The following GPC6 variants were observed in gnomAD, a reference collection of about 807,000 sequenced individuals.
GPC6 encodes glypican-6.
Under a neutral mutation model 55.2 loss-of-function variants are expected in GPC6, and 14 were observed. The ratio of observed to expected loss-of-function variants is 0.25; its 90% CI spans 0.17 to 0.40. GPC6 has a LOEUF of 0.40. Among genes scored for constraint, GPC6 ranks in the 10% least tolerant of loss-of-function variants. GPC6 has a pLI of 1.00. For synonymous variants in GPC6, 278 were observed against 259.6 expected (o/e 1.07, Z -0.68); for missense variants, 641 against 708.5 (o/e 0.90, Z 1.08).
chr13:93,444,684 C>A (rs1877936617), intron 1 of GPC6, among the ~76,000 whole-genome samples: 1 of 152,152 alleles, frequency 6.6e-6, no homozygotes, highest in Non-Finnish European at 1.5e-5. Flanking sequence ...TACTTTAATT[C>A]TTTTAAAATG....
At chr13:93,923,179 A>G (rs1270730974) in intron 3 of GPC6, among the ~76,000 whole-genome samples, 2 of 152,210 alleles carry the variant, frequency 1.3e-5, no homozygotes, top group Non-Finnish European at 2.9e-5. Context: ...TTTTGCCTTT[A>G]TGCAAACACA....
rs187705400 is a variant in GPC6 at position 94,294,820 on chromosome 13, G to A, written c.1008+8341G>A. ...TTTGAGCTCCTGTATTAGCATGTCC[G>A]TTGTAAGGCAGTGAGCATATTATTC... On this transcript the variant is annotated intron_variant, in intron 5 of 8. Coordinates refer to ENST00000377047, the MANE Select transcript of GPC6 (RefSeq NM_005708.5). Among the ~76,000 whole-genome samples, 13 of 152,164 alleles carry A rather than the reference G, an allele frequency of 8.5e-5. 1 individual carries two copies. Among genetic ancestry groups the A allele is most frequent in the African/African-American group, 2.4e-4 (10 of 41,542 alleles).
intron 4 of GPC6, among the ~76,000 whole-genome samples, chr13:94,254,815 G>C (rs921304836): frequency 1.3e-5 from 2 of 152,036 alleles, no homozygotes; most frequent in Non-Finnish European, 2.9e-5. Flanking sequence ...TCCAAACTCT[G>C]CTCATCAGTG....
chr13:93,723,952 G>T (rs936255527), intron 2 of GPC6, among the ~76,000 whole-genome samples: 2 of 151,860 alleles, frequency 1.3e-5, no homozygotes, highest in Non-Finnish European at 2.9e-5. Flanking sequence ...ACAGACCCAG[G>T]TGTTTGAATG....
intron 2 of GPC6, among the ~76,000 whole-genome samples, chr13:93,602,052 T>C (rs1878038680): frequency 6.6e-6 from 1 of 152,228 alleles, no homozygotes; most frequent in Admixed American, 6.5e-5. Context: ...ATAATGGACA[T>C]TCTGTAGAAT....
chr13:94,139,248 T>C (rs2138877820), intron 4 of GPC6, among the ~76,000 whole-genome samples: 1 of 152,254 alleles, frequency 6.6e-6, no homozygotes, highest in South Asian at 2.1e-4. Context: ...GGGTGATAGG[T>C]ACCCTAAAAG....
intron 2 of GPC6, among the ~76,000 whole-genome samples, chr13:93,590,923 A>G: frequency 6.6e-6 from 1 of 152,134 alleles, no homozygotes; most frequent in East Asian, 1.9e-4. Context: ...CCAGCATGGC[A>G]CATGTATACA....
chr13:93,672,608 T>C (rs1026849339), intron 2 of GPC6, among the ~76,000 whole-genome samples: 2 of 151,774 alleles, frequency 1.3e-5, no homozygotes, highest in African/African-American at 4.8e-5. Context: ...TGAATTGGAC[T>C]TCTTTCAAAT....
intron 2 of GPC6, among the ~76,000 whole-genome samples, chr13:93,725,581 C>T (rs1003829150): frequency 6.6e-6 from 1 of 151,922 alleles, no homozygotes; most frequent in South Asian, 2.1e-4. Flanking sequence ...CCCCCATGCC[C>T]GGTAAAGATT....
At chr13:93,231,418 T>C (rs1039449289) in intron 1 of GPC6, among the ~76,000 whole-genome samples, 1 of 54,388 alleles carries the variant, frequency 1.8e-5, no homozygotes, top group African/African-American at 8.6e-5. Flanking sequence ...TATATATATA[T>C]ATATACGTAT....
rs150827947 is a variant in GPC6 at position 93,980,475 on chromosome 13, G to C, written c.712-47254G>C. On this transcript the variant is annotated intron_variant, in intron 3 of 8. Coordinates refer to ENST00000377047, the MANE Select transcript of GPC6 (RefSeq NM_005708.5). ...AGCCCAGAAAGAATCCAGCCAAGCA[G>C]TATTCTCTGCATTGGAAATAGGGCA... Among the ~76,000 whole-genome samples, 238 of 152,282 alleles carry C rather than the reference G, an allele frequency of 1.6e-3. 2 individuals are homozygous for C. Among genetic ancestry groups the C allele is most frequent in the South Asian group, 6.2e-4 (3 of 4,828 alleles).
intron 4 of GPC6, among the ~76,000 whole-genome samples, chr13:94,194,402 TG>T (rs1889497359): frequency 6.6e-6 from 1 of 152,228 alleles, no homozygotes; most frequent in African/African-American, 2.4e-5. Context: ...TGTGTATGTC[TG>T]TGTGTTTTTG....
intron 6 of GPC6, among the ~76,000 whole-genome samples, chr13:94,322,796 G>T (rs900269628): frequency 1.3e-5 from 2 of 151,906 alleles, no homozygotes; most frequent in Non-Finnish European, 2.9e-5. Flanking sequence ...CACACGGTGC[G>T]GTTCTGCTGT....
intron 2 of GPC6, among the ~76,000 whole-genome samples, chr13:93,822,511 T>C (rs930819107): frequency 6.6e-6 from 1 of 152,178 alleles, no homozygotes; most frequent in Non-Finnish European, 1.5e-5. Context: ...GTTTGTTACA[T>C]AGGTATACAT....
intron 1 of GPC6, among the ~76,000 whole-genome samples, chr13:93,480,254 T>C (rs1879467154): frequency 6.6e-6 from 1 of 152,226 alleles, no homozygotes; most frequent in South Asian, 2.1e-4. Flanking sequence ...CTCAATGCAT[T>C]GTAGAAAATT....
intron 1 of GPC6, chr13:93,395,372 G>A (rs528922604): frequency 3.7e-5 from 14 of 379,920 alleles, no homozygotes; most frequent in East Asian, 6.0e-5. Context: ...ATGGTATTTC[G>A]GAATGACAAT....
chr13:93,857,491 T>C (rs1036864986), intron 3 of GPC6, among the ~76,000 whole-genome samples: 1 of 151,752 alleles, frequency 6.6e-6, no homozygotes, highest in East Asian at 2.0e-4. Context: ...AGTTTATTTT[T>C]ATTCCTTGAG....
intron 1 of GPC6, among the ~76,000 whole-genome samples, chr13:93,500,529 AAT>A (rs1049541026): frequency 1.1e-3 from 165 of 152,300 alleles, no homozygotes; most frequent in Non-Finnish European, 1.5e-3. Context: ...CTGCAAAAAA[AAT>A]AATTGCATAT....
intron 2 of GPC6, among the ~76,000 whole-genome samples, chr13:93,591,463 C>G (rs1466988720): frequency 1.4e-5 from 1 of 69,384 alleles, no homozygotes; most frequent in Non-Finnish European, 3.1e-5. Flanking sequence ...GACTCCGTCT[C>G]AAAGGAAAAA....
Sources: allele counts gnomAD v4.1 joint callset (sites outside exome capture counted in the v4.1 genomes callset), GRCh38; gene constraint gnomAD v4.1.1; transcripts MANE v1.5; gene names NCBI Gene and HGNC (gene_info 2026-07-23, HGNC 2026-07-21).